The following PCDHGA5 variants were observed in gnomAD, a reference collection of about 807,000 sequenced individuals.
PCDHGA5 encodes the protein protocadherin gamma subfamily A, 5, also known as protocadherin gamma-A5.
PCDHGA5 carries 36 observed loss-of-function variants against 56.7 expected under a neutral mutation model. That is an observed-to-expected ratio of 0.64 (90% CI 0.49 to 0.84). PCDHGA5 has a LOEUF of 0.84. Ranked by LOEUF, PCDHGA5 falls within the 40% of genes least tolerant of loss-of-function variation. The pLI, the probability that PCDHGA5 is intolerant of heterozygous loss-of-function variation, is 0.00. For synonymous variants in PCDHGA5, 563 were observed against 520.2 expected, an observed-to-expected ratio of 1.08 and a Z score of -1.12; for missense variants, 1,305 against 1,201.5, an observed-to-expected ratio of 1.09 and a Z score of -1.27.
Position 141,476,977 on chromosome 5 carries a change from C to A in PCDHGA5, c.2422-17830C>A, listed in dbSNP as rs141692339. On this transcript the variant is annotated intron_variant, in intron 1 of 3. Coordinates refer to ENST00000518069, the MANE Select transcript of PCDHGA5 (RefSeq NM_018918.3). The surrounding 1 kb of genome is among the most constrained non-coding windows in gnomAD (Gnocchi z 7.6). The stretch of plus-strand genomic sequence containing the variant: ...TTATTTACTCCTTCGGCAGCCACAA[C>A]CGCGCCGGCGTGCGGCAACTATTCG... 6.2e-7 allele frequency: 1 copy of A among 1,614,232 alleles called. No individual in the cohort carries two copies. The highest frequency in any genetic ancestry group is 8.5e-7 in the Non-Finnish European group (1 of 1,180,040).
In PCDHGA5 at chr5:141,490,761, G is replaced by GTA. The variant is rs1380770489; in HGVS notation, c.2422-4044_2422-4043dup. The GTA allele has an allele frequency of 6.2e-7, 1 of 1,614,048 alleles. No individual in the cohort carries two copies. The highest frequency in any genetic ancestry group is 1.3e-5 in the African/African-American group (1 of 74,920). On this transcript the variant is annotated intron_variant, in intron 1 of 3. Coordinates refer to ENST00000518069, the MANE Select transcript of PCDHGA5 (RefSeq NM_018918.3). The surrounding 1 kb of genome is among the most constrained non-coding windows in gnomAD (Gnocchi z 5.4). ...AGGGAGCCCCAGCCTCCTCCTTTGT[G>GTA]TATGTCAACCCAGAGGATGGACGGA...
intron 1 of PCDHGA5, among the ~76,000 whole-genome samples, chr5:141,425,293 T>A (rs1332220576): frequency 1.3e-5 from 2 of 152,172 alleles, no homozygotes; most frequent in African/African-American, 4.8e-5. Context: ...TTATAAAACC[T>A]CATCTAAACT....
chr5:141,393,527 T>C, intron 1 of PCDHGA5: 2 of 1,613,990 alleles, frequency 1.2e-6, no homozygotes, highest in South Asian at 1.1e-5. Context: ...CAAATGACAA[T>C]GCCCCGGTTT....
At chr5:141,503,555 C>T (rs1010409481) in intron 2 of PCDHGA5, among the ~76,000 whole-genome samples, 2 of 148,816 alleles carry the variant, frequency 1.3e-5, no homozygotes, top group African/African-American at 5.0e-5. Context: ...GCCGAGATCG[C>T]GCCACTGTAC....
intron 1 of PCDHGA5, among the ~76,000 whole-genome samples, chr5:141,380,089 G>A (rs1333618493): frequency 6.6e-6 from 1 of 151,698 alleles, no homozygotes; most frequent in Non-Finnish European, 1.5e-5. Flanking sequence ...TAGTAGAGAT[G>A]GGGTTTTACC....
intron 3 of PCDHGA5, among the ~76,000 whole-genome samples, chr5:141,509,068 G>A (rs1267011061): frequency 6.6e-6 from 1 of 152,144 alleles, no homozygotes; most frequent in Non-Finnish European, 1.5e-5. Flanking sequence ...TCTCAGCTCC[G>A]GGGATTTGCG....
chr5:141,432,692 G>A lies in PCDHGA5; in HGVS notation c.2422-62115G>A. The A allele has an allele frequency of 6.2e-7, 1 of 1,613,964 alleles. No homozygotes were observed. Among genetic ancestry groups the A allele is most frequent in the Non-Finnish European group, 8.5e-7 (1 of 1,179,978 alleles). On this transcript the variant is annotated intron_variant, in intron 1 of 3. Transcript: ENST00000518069. The surrounding 1 kb of genome is among the most constrained non-coding windows in gnomAD (Gnocchi z 6.0). ...CGCGCTCAAGCAGAGCCTCGTAGTG[G>A]CCGTCCAGGACCACGGCCAGCCCCC...
Position 141,490,693 on chromosome 5 carries a change from G to A in PCDHGA5, c.2422-4114G>A. On this transcript the variant is annotated intron_variant, in intron 1 of 3. Coordinates refer to ENST00000518069, the MANE Select transcript of PCDHGA5 (RefSeq NM_018918.3). This position sits in a 1 kb window ranked among gnomAD's most constrained non-coding sequence, Gnocchi z 5.4. ...GGCTGCCTCAGATCCAGACACTGGGGATAATGCCCGCCTCACCTACTCCAT... is the reference window on the plus strand; with the variant it reads ...GGCTGCCTCAGATCCAGACACTGGGAATAATGCCCGCCTCACCTACTCCAT... 1.9e-6 allele frequency: 3 copies of A among 1,614,170 alleles called. No homozygotes were observed. Among genetic ancestry groups the A allele is most frequent in the Non-Finnish European group, 2.5e-6 (3 of 1,180,018 alleles).
intron 1 of PCDHGA5, chr5:141,394,476 C>T (rs763209018): frequency 3.8e-5 from 61 of 1,614,238 alleles, no homozygotes; most frequent in Admixed American, 1.7e-4. Flanking sequence ...CGTGCTGGAC[C>T]AGAATGACAA....
intron 1 of PCDHGA5, among the ~76,000 whole-genome samples, chr5:141,488,563 C>T (rs1352750895): frequency 1.3e-5 from 2 of 152,134 alleles, no homozygotes; most frequent in Admixed American, 6.6e-5. Flanking sequence ...TTGAGATTTC[C>T]GCAAAGCATT....
In PCDHGA5 at chr5:141,364,846, C is replaced by G. The variant is rs558676002; in HGVS notation, c.516C>G (p.Leu172=). The G allele has an allele frequency of 6.2e-7, 1 of 1,613,994 alleles. No individual in the cohort carries two copies. Among genetic ancestry groups the G allele is most frequent in the South Asian group, 1.1e-5 (1 of 91,088 alleles). ...TGAACTCTCTCCGGAGTTACCAGCTCAGCTCCAATCTGCACTTCTCTCTGG... is the reference window on the plus strand; with the variant it reads ...TGAACTCTCTCCGGAGTTACCAGCTGAGCTCCAATCTGCACTTCTCTCTGG... ...VGVNSLRSYQ[L]SSNLHFSLDV... Residue 172 remains leucine (L), a synonymous_variant, in exon 1 of 4, where the codon CTC becomes CTG. Transcript: ENST00000518069.
intron 1 of PCDHGA5, chr5:141,415,641 TA>T (rs113784532): frequency 0.022 from 22,367 of 1,034,442 alleles, 38 homozygotes; most frequent in Admixed American, 0.045. Context: ...TTACTTTTGT[TA>T]AAAAAAAAAA....
intron 2 of PCDHGA5, among the ~76,000 whole-genome samples, chr5:141,504,794 A>G (rs2099841154): frequency 6.6e-6 from 1 of 151,718 alleles, no homozygotes; most frequent in African/African-American, 2.4e-5. Flanking sequence ...GGCCTCCTAC[A>G]TCTCCCCCTA....
Position 141,478,415 on chromosome 5 carries a change from C to A in PCDHGA5, c.2422-16392C>A, listed in dbSNP as rs182700706. 5.6e-6 allele frequency: 9 copies of A among 1,613,648 alleles called. No homozygotes were observed. In the East Asian group the frequency reaches 2.0e-4, roughly 36 times the overall value. ...TCAGGTGTATCTCACCACGGACTCC[C>A]GCCGCAGCGACCCGCTGCTGAAGAA... On this transcript the variant is annotated intron_variant, in intron 1 of 3. Coordinates refer to ENST00000518069, the MANE Select transcript of PCDHGA5 (RefSeq NM_018918.3).
intron 1 of PCDHGA5, chr5:141,423,313 G>T (rs1407028245): frequency 1.2e-6 from 2 of 1,614,184 alleles, no homozygotes; most frequent in Non-Finnish European, 1.7e-6. Context: ...GTACTTGGTG[G>T]TGGCGGTGGC....
Position 141,433,362 on chromosome 5 carries a change from T to G in PCDHGA5, c.2422-61445T>G, listed in dbSNP as rs1285511534. ...GTGCAAGCCACCTACTGTCTGCCTA[T>G]CTATCTATCTATCTATCTATCTATC... On this transcript the variant is annotated intron_variant, in intron 1 of 3. Transcript: ENST00000518069. 4 of 299,814 alleles carry G rather than the reference T, an allele frequency of 1.3e-5. No individual in the cohort carries two copies. In the East Asian group the frequency reaches 1.8e-4, roughly 14 times the overall value. 18.6% of individuals were successfully genotyped at this position (299,814 alleles called of 1,614,324 possible). A position where few individuals can be genotyped will look rare whatever the true frequency, so the allele number is the denominator to read the frequency against.
intron 1 of PCDHGA5, chr5:141,371,242 A>C: frequency 6.2e-7 from 1 of 1,614,034 alleles, no homozygotes; most frequent in Non-Finnish European, 8.5e-7. Flanking sequence ...GCCTTCATCA[A>C]TATTGGCAAG....
At chr5:141,505,977 G>A (rs944259753) in intron 3 of PCDHGA5, among the ~76,000 whole-genome samples, 1 of 152,150 alleles carries the variant, frequency 6.6e-6, no homozygotes, top group East Asian at 1.9e-4. Flanking sequence ...CCAGCCGAGA[G>A]AACACCTCCT....
At chr5:141,482,790 G>A (rs2099572686) in intron 1 of PCDHGA5, among the ~76,000 whole-genome samples, 1 of 128,870 alleles carries the variant, frequency 7.8e-6, no homozygotes, top group African/African-American at 3.5e-5. Context: ...CTGTGTGTGT[G>A]GCCGGGTACG....
Sources: gnomAD v4.1 joint callset for allele counts (sites outside exome capture counted in the v4.1 genomes callset) on GRCh38, gnomAD v4.1.1 for gene constraint, Gnocchi (gnomAD v3.1) non-coding constraint, MANE v1.5 for transcripts, NCBI Gene and HGNC (gene_info 2026-07-23, HGNC 2026-07-21) for gene names.